The following SCLT1 variants were observed in gnomAD, a reference collection of about 807,000 sequenced individuals.
SCLT1 encodes sodium channel-associated protein 1.
SCLT1 carries 78 observed loss-of-function variants against 112.8 expected under a neutral mutation model. The observed-to-expected ratio is 0.69, with a 90% CI of 0.58 to 0.83. The LOEUF (loss-of-function observed/expected upper bound fraction) is 0.83, where lower values mean the gene tolerates loss of function less well. Among genes scored for constraint, SCLT1 ranks in the 40% least tolerant of loss-of-function variants. The pLI is 0.00. For missense variants in SCLT1, 747 were observed against 770.4 expected, an observed-to-expected ratio of 0.97 and a Z score of 0.36; for synonymous variants, 257 against 254.7, an observed-to-expected ratio of 1.01 and a Z score of -0.09.
At chr4:128,951,938 C>T (rs752543329) in intron 14 of SCLT1, among the ~76,000 whole-genome samples, 3 of 152,142 alleles carry the variant, frequency 2.0e-5, no homozygotes, top group Non-Finnish European at 4.4e-5. Context: ...TGTGATCCCT[C>T]TTTCAGAGTG....
At chr4:128,942,701 G>T (rs536921081) in intron 17 of SCLT1, among the ~76,000 whole-genome samples, 28 of 152,126 alleles carry the variant, frequency 1.8e-4, no homozygotes, top group Non-Finnish European at 2.8e-4. Context: ...AGTCTGTAAA[G>T]TTATCTAATC....
chr4:129,022,140 T>G (rs1028423910), intron 5 of SCLT1, among the ~76,000 whole-genome samples: 4 of 151,716 alleles, frequency 2.6e-5, no homozygotes, highest in Admixed American at 2.0e-4. Context: ...CATCCAAAGC[T>G]CATCAGCCTC....
At chr4:128,884,849 G>A (rs1424441694) in intron 20 of SCLT1, among the ~76,000 whole-genome samples, 5 of 151,990 alleles carry the variant, frequency 3.3e-5, no homozygotes, top group East Asian at 1.9e-4. Context: ...GTCTCACTAC[G>A]TTGCCCAGAC....
chr4:129,034,528 CT>C (rs1271956559), intron 5 of SCLT1, among the ~76,000 whole-genome samples: 2 of 148,618 alleles, frequency 1.3e-5, no homozygotes, highest in African/African-American at 2.5e-5. Flanking sequence ...TAAATACTAA[CT>C]TTATAATCTT....
intron 5 of SCLT1, among the ~76,000 whole-genome samples, chr4:129,017,931 G>T (rs773530589): frequency 5.3e-5 from 8 of 152,184 alleles, no homozygotes; most frequent in Non-Finnish European, 1.0e-4. Flanking sequence ...TGTAGAAATG[G>T]TTTGCTACAT....
chr4:129,013,776 T>C (rs1265212252), intron 5 of SCLT1, among the ~76,000 whole-genome samples: 1 of 152,208 alleles, frequency 6.6e-6, no homozygotes, highest in Non-Finnish European at 1.5e-5. Context: ...ATCTGATGAT[T>C]ATGTGTCTTG....
chr4:128,979,706 G>A lies in SCLT1; in HGVS notation c.687-9238C>T, dbSNP rs146470786. Among the ~76,000 whole-genome samples, 55 of 152,238 alleles carry A rather than the reference G, an allele frequency of 3.6e-4. No individual in the cohort carries two copies. The East Asian group carries it at 6.6e-3, about 18-fold the overall frequency. ...CAGAACCACATTTTTAAAGACAGGT[G>A]TACAAATGTAGCGTATCTGCAAAAG... is the stretch of plus-strand genomic sequence containing the variant. On this transcript the variant is annotated intron_variant, in intron 9 of 20. Coordinates refer to ENST00000281142, the MANE Select transcript of SCLT1 (RefSeq NM_144643.4).
intron 18 of SCLT1, among the ~76,000 whole-genome samples, chr4:128,917,169 C>T (rs1011611705): frequency 2.6e-5 from 4 of 152,070 alleles, no homozygotes; most frequent in African/African-American, 9.7e-5. Context: ...CCTTCTACCT[C>T]GTGACTGACC....
At chr4:128,954,820 A>G (rs1159448798) in intron 13 of SCLT1, among the ~76,000 whole-genome samples, 1 of 152,208 alleles carries the variant, frequency 6.6e-6, no homozygotes, top group Non-Finnish European at 1.5e-5. Flanking sequence ...TTTCCATTAT[A>G]GATGAGGAAG....
intron 2 of SCLT1, among the ~76,000 whole-genome samples, chr4:129,062,854 G>A (rs537761834): frequency 6.6e-6 from 1 of 152,272 alleles, no homozygotes; most frequent in South Asian, 2.1e-4. Flanking sequence ...ATTATAATGT[G>A]CCTGAGTAAA....
chr4:128,892,289 T>C (rs1467519714), intron 18 of SCLT1, among the ~76,000 whole-genome samples: 1 of 152,248 alleles, frequency 6.6e-6, no homozygotes. Context: ...GAGTATTACA[T>C]ATAAGGAATC....
chr4:128,949,798 G>C (rs966505019), intron 14 of SCLT1, among the ~76,000 whole-genome samples: 1 of 150,014 alleles, frequency 6.7e-6, no homozygotes, highest in Non-Finnish European at 1.5e-5. Flanking sequence ...ATTTGGGTTG[G>C]TTCCAAGTCT....
At chr4:129,038,445 T>C (rs1747384068) in intron 5 of SCLT1, among the ~76,000 whole-genome samples, 1 of 152,206 alleles carries the variant, frequency 6.6e-6, no homozygotes, top group Non-Finnish European at 1.5e-5. Context: ...CACTAGATGA[T>C]ACCGTTTTTA....
chr4:128,894,474 T>C (rs759772427), intron 18 of SCLT1, among the ~76,000 whole-genome samples: 2 of 151,842 alleles, frequency 1.3e-5, no homozygotes, highest in African/African-American at 4.8e-5. Flanking sequence ...TTTATATACT[T>C]ACTTGGAAAG....
chr4:128,917,821 G>A (rs1735586281), intron 18 of SCLT1, among the ~76,000 whole-genome samples: 1 of 152,026 alleles, frequency 6.6e-6, no homozygotes, highest in African/African-American at 2.4e-5. Context: ...GCACACTTGG[G>A]ATCTGACCCT....
chr4:128,986,928 C>T (rs913485154), intron 9 of SCLT1, among the ~76,000 whole-genome samples: 1 of 152,138 alleles, frequency 6.6e-6, no homozygotes, highest in Non-Finnish European at 1.5e-5. Context: ...CTCTCCCCAA[C>T]TCCAGACAGC....
At chr4:129,068,695 T>C (rs1183679124) in intron 2 of SCLT1, among the ~76,000 whole-genome samples, 1 of 152,214 alleles carries the variant, frequency 6.6e-6, no homozygotes, top group Non-Finnish European at 1.5e-5. Context: ...ATGCATAGAT[T>C]GTGAAGATTT....
chr4:129,024,068 C>T (rs1286177873), intron 5 of SCLT1, among the ~76,000 whole-genome samples: 1 of 152,232 alleles, frequency 6.6e-6, no homozygotes, highest in Non-Finnish European at 1.5e-5. Flanking sequence ...CACCACAGCT[C>T]AAGGAGGCCT....
chr4:129,027,461 T>C (rs1261893552), intron 5 of SCLT1, among the ~76,000 whole-genome samples: 1 of 152,194 alleles, frequency 6.6e-6, no homozygotes, highest in Admixed American at 6.5e-5. Context: ...AAAAGGCCTT[T>C]GACAAAATTC....
Sources: gnomAD v4.1 joint callset for allele counts (sites outside exome capture counted in the v4.1 genomes callset) on GRCh38, gnomAD v4.1.1 for gene constraint, MANE v1.5 for transcripts, NCBI Gene and HGNC (gene_info 2026-07-23, HGNC 2026-07-21) for gene names.